The following ETV5 variants were observed in gnomAD, a reference collection of about 807,000 sequenced individuals.
ETV5 encodes the protein ETS translocation variant 5.
A neutral mutation model predicts 70.0 loss-of-function variants in ETV5; 10 were observed. That is an observed-to-expected ratio of 0.14 (90% CI 0.09 to 0.24). The LOEUF (loss-of-function observed/expected upper bound fraction) is 0.24. ETV5 is among the 10% of genes least tolerant of loss of function. The pLI is 1.00. For missense variants in ETV5, 453 were observed against 651.2 expected (o/e 0.70, Z 3.31); for synonymous variants, 216 against 242.2 (o/e 0.89, Z 1.01).
In ETV5 at chr3:186,065,923, T is replaced by C. The variant is rs770565478; in HGVS notation, c.800A>G (p.His267Arg). The change falls in exon 8 of 13, where the codon CAT becomes CGT. Residue 267 changes from histidine (H) to arginine (R), a missense_variant. This residue lies in a region of ETV5 where 307 missense variants were observed against 344.9 expected (regional missense o/e 0.89). Coordinates refer to ENST00000306376, the MANE Select transcript of ETV5 (RefSeq NM_004454.3). ...PPPQGFKQEY[H>R]DPLYEHGVPG... ...GACCCCATGTTCATAGAGTGGGTCA[T>C]GGTATTCTTGTTTGAATCCCTGAGG... 4 of 1,613,328 alleles carry C rather than the reference T, an allele frequency of 2.5e-6. No individual in the cohort carries two copies. The highest frequency in any genetic ancestry group is 2.2e-5 in the East Asian group (1 of 44,846).
Position 186,046,612 on chromosome 3 carries a change from G to A in ETV5, c.*2027C>T, listed in dbSNP as rs1459930390. On this transcript the variant is annotated 3_prime_UTR_variant, in exon 13 of 13. Transcript: ENST00000306376. Reference sequence around the variant, plus strand: ...GGTCACGTAAGTTACAGCAGGGGAGGGGTAGCTCAAGCTACAGAGGATTAT... The same window carrying A: ...GGTCACGTAAGTTACAGCAGGGGAGAGGTAGCTCAAGCTACAGAGGATTAT... 2.2e-5 allele frequency: 5 copies of A among 231,026 alleles called. 1 individual carries two copies. Among genetic ancestry groups the A allele is most frequent in the Non-Finnish European group, 3.4e-5 (4 of 117,180 alleles). The allele number at this position is 231,026 out of a possible 1,614,324, so 14.3% of individuals were successfully genotyped here.
intron 1 of ETV5, chr3:186,106,799 G>T: frequency 4.1e-6 from 1 of 246,646 alleles, no homozygotes; most frequent in Non-Finnish European, 6.5e-6. Flanking sequence ...GGGAAAAAGG[G>T]TGGGGTTAGA....
At chr3:186,099,165 C>G (rs1035403344) in intron 5 of ETV5, among the ~76,000 whole-genome samples, 1 of 152,254 alleles carries the variant, frequency 6.6e-6, no homozygotes, top group Admixed American at 6.5e-5. Context: ...CTGCCAGGCC[C>G]AAAGGTGTAC....
chr3:186,056,842 C>G (rs1226512490), intron 11 of ETV5, among the ~76,000 whole-genome samples: 1 of 152,166 alleles, frequency 6.6e-6, no homozygotes, highest in Non-Finnish European at 1.5e-5. Flanking sequence ...CTAAATTTTG[C>G]AGAAGTGTTA....
In ETV5 at chr3:186,057,737, G is replaced by A. The variant is rs917084014; in HGVS notation, c.971-246C>T. On this transcript the variant is annotated intron_variant, in intron 9 of 12. Transcript: ENST00000306376. This position sits in a 1 kb window ranked among gnomAD's most constrained non-coding sequence, Gnocchi z 4.9. ...TTTACAGCTAAGACTGCAGGGAAGT[G>A]CTGAGTCACCAGTACGTTCCTTTGC... is the stretch of plus-strand genomic sequence containing the variant. 5.9e-5 allele frequency among the ~76,000 whole-genome samples: 9 copies of A among 152,188 alleles called. No homozygotes were observed. The highest frequency in any genetic ancestry group is 5.9e-4 in the Admixed American group (9 of 15,290).
chr3:186,067,864 G>A (rs901136164), intron 7 of ETV5, among the ~76,000 whole-genome samples: 4 of 151,984 alleles, frequency 2.6e-5, no homozygotes, highest in African/African-American at 9.7e-5. Flanking sequence ...GTAAAACTGA[G>A]GAAAAATCTC....
intron 9 of ETV5, among the ~76,000 whole-genome samples, chr3:186,061,812 T>C (rs1005438677): frequency 2.6e-5 from 4 of 152,180 alleles, no homozygotes; most frequent in African/African-American, 9.7e-5. Flanking sequence ...CTGTCATTCA[T>C]TTATGCAGGA....
intron 7 of ETV5, among the ~76,000 whole-genome samples, chr3:186,077,768 CTT>C (rs1713831610): frequency 6.6e-6 from 1 of 152,192 alleles, no homozygotes; most frequent in South Asian, 2.1e-4. Flanking sequence ...GGACAGCACT[CTT>C]GAGTGGAAAT....
Position 186,046,364 on chromosome 3 carries a change from A to G in ETV5, c.*2275T>C, listed in dbSNP as rs1170418139. 2.2e-5 allele frequency: 5 copies of G among 223,620 alleles called. No homozygotes were observed. The highest frequency in any genetic ancestry group is 4.5e-5 in the Non-Finnish European group (5 of 111,842). 13.9% of individuals were successfully genotyped at this position (223,620 alleles called of 1,614,324 possible). A position where few individuals can be genotyped will look rare whatever the true frequency, so the allele number is the denominator to read the frequency against. ...CTTTATTGTACACAGTACAGAATAT[A>G]ACGCAGCTTGGCAGGATGCATACGG... is the stretch of plus-strand genomic sequence containing the variant. On this transcript the variant is annotated 3_prime_UTR_variant, in exon 13 of 13. Transcript: ENST00000306376.
At chr3:186,072,306 C>T (rs568891390) in intron 7 of ETV5, among the ~76,000 whole-genome samples, 3 of 151,382 alleles carry the variant, frequency 2.0e-5, no homozygotes, top group Non-Finnish European at 2.9e-5. Flanking sequence ...TGCTTGAACC[C>T]GAGAGGTGGA....
chr3:186,073,481 G>A (rs933849117), intron 7 of ETV5, among the ~76,000 whole-genome samples: 6 of 152,126 alleles, frequency 3.9e-5, no homozygotes, highest in African/African-American at 9.7e-5. Context: ...GCAGAGCGGC[G>A]ATTCAACCCC....
At chr3:186,049,741 A>G (rs547339257) in intron 12 of ETV5, among the ~76,000 whole-genome samples, 34 of 152,366 alleles carry the variant, frequency 2.2e-4, no homozygotes, top group African/African-American at 7.2e-4. Context: ...TTGAACAAGT[A>G]TGGCTCTGCT....
At chr3:186,083,027 G>T (rs1560052376) in intron 5 of ETV5, among the ~76,000 whole-genome samples, 3 of 152,194 alleles carry the variant, frequency 2.0e-5, no homozygotes, top group Admixed American at 6.5e-5. Context: ...GTGATTTTTT[G>T]ATGGTGACAT....
At chr3:186,062,483 G>C (rs374454704) in intron 9 of ETV5, among the ~76,000 whole-genome samples, 2 of 152,136 alleles carry the variant, frequency 1.3e-5, no homozygotes, top group African/African-American at 2.4e-5. Context: ...TTAGCTGGGC[G>C]TGGTGGCGCG....
rs577194406 is a variant in ETV5, at chr3:186,073,635, A to G, written c.650+6182T>C. 2.6e-5 allele frequency among the ~76,000 whole-genome samples: 4 copies of G among 152,366 alleles called. No individual in the cohort carries two copies. The East Asian group carries it at 7.7e-4, about 29-fold the overall frequency. On this transcript the variant is annotated intron_variant, in intron 7 of 12. Transcript: ENST00000306376. ...CTCATACGTTTAGAAATTAAGAAAC[A>G]TATCTATAAAGAACTCCAAGGTTGA...
At chr3:186,064,342 A>G in intron 9 of ETV5, 75 bp downstream of exon 9, 1 of 1,420,618 alleles carries the variant, frequency 7.0e-7, no homozygotes, top group Non-Finnish European at 9.9e-7. Context: ...AGGTAGGAGA[A>G]AGAAAAGCCG....
At chr3:186,100,872 CAT>C (rs1486730542) in intron 5 of ETV5, among the ~76,000 whole-genome samples, 2 of 152,158 alleles carry the variant, frequency 1.3e-5, no homozygotes, top group African/African-American at 4.8e-5. Context: ...TTTATAATAT[CAT>C]AACTGAAATT....
At chr3:186,093,828 C>T (rs1714243349) in intron 5 of ETV5, among the ~76,000 whole-genome samples, 1 of 152,180 alleles carries the variant, frequency 6.6e-6, no homozygotes, top group Non-Finnish European at 1.5e-5. Flanking sequence ...GGGGCAATAG[C>T]TTTGGCTAGG....
At chr3:186,065,711 T>C in intron 8 of ETV5, 102 bp downstream of exon 8, 15 of 1,395,634 alleles carry the variant, frequency 1.1e-5, no homozygotes, top group Non-Finnish European at 1.5e-5. Context: ...AAAAAATTCT[T>C]ATAAAAATTC....
Sources: gnomAD v4.1 joint callset for allele counts (sites outside exome capture counted in the v4.1 genomes callset) on GRCh38, gnomAD v4.1.1 for gene constraint, gnomAD v4.1.1 regional missense constraint, Gnocchi (gnomAD v3.1) non-coding constraint, MANE v1.5 for transcripts, NCBI Gene and HGNC (gene_info 2026-07-23, HGNC 2026-07-21) for gene names.